DNAH7: variants seen among roughly 807,000 people sequenced by gnomAD.
The protein encoded by DNAH7 is dynein axonemal heavy chain 7.
DNAH7 carries 397 observed loss-of-function variants against 444.6 expected under a neutral mutation model. The ratio of observed to expected loss-of-function variants is 0.89; its 90% CI spans 0.82 to 0.97. The LOEUF (loss-of-function observed/expected upper bound fraction) is 0.97. Ranked by LOEUF, DNAH7 falls within the 50% of genes least tolerant of loss-of-function variation. The probability of loss-of-function intolerance (pLI) is 0.00; values close to 1 mark genes in which losing one functional copy is unlikely to be tolerated. For missense variants in DNAH7, 4,902 were observed against 4,800.8 expected, an observed-to-expected ratio of 1.02 and a Z score of -0.62; for synonymous variants, 1,636 against 1,624.4, an observed-to-expected ratio of 1.01 and a Z score of -0.17.
Position 195,927,525 on chromosome 2 carries a change from A to AATT in DNAH7, c.3472-960_3472-959insAAT, listed in dbSNP as rs1432705299. Among the ~76,000 whole-genome samples the AATT allele has an allele frequency of 7.7e-3, 1,151 of 148,942 alleles. 16 individuals carry two copies. The highest frequency in any genetic ancestry group is 0.012 in the Non-Finnish European group (809 of 67,410). On this transcript the variant is annotated intron_variant, in intron 21 of 64. Coordinates refer to ENST00000312428, the MANE Select transcript of DNAH7 (RefSeq NM_018897.3). ...GAAGCAAGTAAATAAATAAATAAAT[A>AATT]AATTAATTAATTAATTAAAAAAATA...
At chr2:195,964,547 G>T (rs1691333264) in intron 17 of DNAH7, among the ~76,000 whole-genome samples, 1 of 123,318 alleles carries the variant, frequency 8.1e-6, no homozygotes, top group African/African-American at 3.4e-5. Flanking sequence ...TTTTTTTTTG[G>T]AGGAGTCTTT....
In DNAH7 at chr2:195,738,088, G is replaced by A. The variant is rs955699383; in HGVS notation, c.11908C>T (p.Arg3970Trp). ...TACAATGGAGCAACATAACTTGGCCGTTTTGGTATATCTGCCCTCTTACAG... is the reference window on the plus strand; with the variant it reads ...TACAATGGAGCAACATAACTTGGCCATTTTGGTATATCTGCCCTCTTACAG... ...KPCKRADIPK[R>W]PSYVAPLYKT... Residue 3970 changes from arginine (R) to tryptophan (W), a missense_variant, in exon 65 of 65, where the codon CGG (arginine) becomes TGG (tryptophan). Arg to Trp is a moderately radical substitution (Grantham distance 101, BLOSUM62 -3). Transcript: ENST00000312428. 5.0e-6 allele frequency: 8 copies of A among 1,613,762 alleles called. No homozygotes were observed. Among genetic ancestry groups the A allele is most frequent in the South Asian group, 4.4e-5 (4 of 91,084 alleles).
Position 196,024,333 on chromosome 2 carries a change from A to G in DNAH7, c.743+96T>C, listed in dbSNP as rs562056168. On this transcript the variant is annotated intron_variant, in intron 8 of 64. Transcript: ENST00000312428. ...TACACACATATACATTTATATATAAATTATAAACATACATTTGAGAAAATA... is the reference window on the plus strand; with the variant it reads ...TACACACATATACATTTATATATAAGTTATAAACATACATTTGAGAAAATA... 2.8e-5 allele frequency: 21 copies of G among 762,360 alleles called. No individual in the cohort carries two copies. The Admixed American group carries it at 3.7e-4, about 13-fold the overall frequency. The allele number at this position is 762,360 out of a possible 1,614,324, so 47.2% of individuals were successfully genotyped here. A position where few individuals can be genotyped will look rare whatever the true frequency, so the allele number is the denominator to read the frequency against.
chr2:195,948,606 G>A (rs1015774679), intron 19 of DNAH7, among the ~76,000 whole-genome samples: 7 of 152,140 alleles, frequency 4.6e-5, no homozygotes, highest in African/African-American at 1.7e-4. Context: ...GGTTGTAGAT[G>A]TGTGGTGTGA....
Position 195,960,239 on chromosome 2 carries a change from G to C in DNAH7, c.2891+21C>G, listed in dbSNP as rs777374712. 68 of 1,561,534 alleles carry C rather than the reference G, an allele frequency of 4.4e-5. No homozygotes were observed. The South Asian group carries it at 7.8e-4, about 18-fold the overall frequency. ...ATTTTGGTAACATAGCATAAACATT[G>C]CCATATAAATATCACTTTACCTCAT... On this transcript the variant is annotated intron_variant, in intron 18 of 64. Coordinates refer to ENST00000312428, the MANE Select transcript of DNAH7 (RefSeq NM_018897.3).
chr2:195,904,827 A>G (rs2125281773), intron 27 of DNAH7: 1 of 152,150 alleles, frequency 6.6e-6, no homozygotes, highest in South Asian at 2.1e-4. Flanking sequence ...GTTTTTGAGA[A>G]TGATTCCGAA....
intron 47 of DNAH7, among the ~76,000 whole-genome samples, chr2:195,843,892 C>T (rs6737009): frequency 0.2 from 29,802 of 151,864 alleles, 4,232 homozygotes; most frequent in African/African-American, 0.4. Context: ...GTCAGGAGAT[C>T]GAGACCATCC....
rs201126082 is a variant in DNAH7, at chr2:195,845,089, G to T, written c.8858C>A (p.Thr2953Asn). 68 of 1,613,680 alleles carry T rather than the reference G, an allele frequency of 4.2e-5. No individual in the cohort carries two copies. The highest frequency in any genetic ancestry group is 1.0e-5 in the Non-Finnish European group (12 of 1,179,884). ...TCGAATTGTCACAGCTTCTCCCAGGGTACCCATAAGAGAGCAATCATCTGA... is the reference window on the plus strand; with the variant it reads ...TCGAATTGTCACAGCTTCTCCCAGGTTACCCATAAGAGAGCAATCATCTGA... ...PCSDDCSLMG[T>N]LGEAVTIRTW... is the part of the protein sequence containing the mutation. Residue 2953 changes from threonine to asparagine, a missense_variant, in exon 47 of 65, where the codon ACC becomes AAC. Thr to Asn is a moderately conservative substitution (Grantham distance 65, BLOSUM62 0). Coordinates refer to ENST00000312428, the MANE Select transcript of DNAH7 (RefSeq NM_018897.3).
chr2:196,005,865 T>C (rs1694342503), intron 10 of DNAH7, among the ~76,000 whole-genome samples: 1 of 152,058 alleles, frequency 6.6e-6, no homozygotes, highest in African/African-American at 2.4e-5. Flanking sequence ...AAAGAATGTT[T>C]TCCTACTCAT....
chr2:195,891,483 T>C (rs540890287), intron 31 of DNAH7, among the ~76,000 whole-genome samples, 172 bp downstream of exon 31: 1 of 152,194 alleles, frequency 6.6e-6, no homozygotes, highest in East Asian at 1.9e-4. Context: ...GGCATTTTTG[T>C]AGGTGCTGAC....
At chr2:195,953,418 G>T (rs561284200) in intron 19 of DNAH7, among the ~76,000 whole-genome samples, 3 of 152,208 alleles carry the variant, frequency 2.0e-5, no homozygotes, top group Non-Finnish European at 2.9e-5. Flanking sequence ...GAGGTCAGGG[G>T]CCCACCTGAG....
intron 40 of DNAH7, among the ~76,000 whole-genome samples, 177 bp from the exon 41 acceptor site, chr2:195,865,198 T>C (rs1330158927): frequency 2.0e-5 from 3 of 152,246 alleles, no homozygotes; most frequent in African/African-American, 7.2e-5. Flanking sequence ...ATGTTAATTT[T>C]AACTCTATAT....
At chr2:195,881,581 T>A (rs1701379506) in intron 36 of DNAH7, among the ~76,000 whole-genome samples, 1 of 152,216 alleles carries the variant, frequency 6.6e-6, no homozygotes, top group Non-Finnish European at 1.5e-5. Context: ...AATGGCAACG[T>A]ATCATTAATC....
chr2:196,039,112 T>A (rs561211622), intron 5 of DNAH7, among the ~76,000 whole-genome samples: 2 of 152,146 alleles, frequency 1.3e-5, no homozygotes, highest in African/African-American at 2.4e-5. Context: ...ATACTCCAGG[T>A]TAGACCACAT....
At chr2:195,764,221 G>C (rs1694470635) in intron 61 of DNAH7, among the ~76,000 whole-genome samples, 1 of 151,772 alleles carries the variant, frequency 6.6e-6, no homozygotes, top group African/African-American at 2.4e-5. Context: ...TAAAAACTGG[G>C]TATAGAAGGA....
In DNAH7 at chr2:195,881,838, A is replaced by G. The variant is rs1429815082; in HGVS notation, c.5918T>C (p.Ile1973Thr). 1 of 1,614,052 alleles carries G rather than the reference A, an allele frequency of 6.2e-7. No homozygotes were observed. Among genetic ancestry groups the G allele is most frequent in the Non-Finnish European group, 8.5e-7 (1 of 1,179,942 alleles). The change falls in exon 36 of 65, where the codon ATA becomes ACA. Residue 1973 changes from isoleucine (I) to threonine (T), a missense_variant. Ile to Thr is a moderately conservative substitution (Grantham distance 89). Transcript: ENST00000312428. ...ELLTTHQKPSIFVGPTGTGKS... is the reference protein window; with the variant it reads ...ELLTTHQKPSTFVGPTGTGKS... ...CCCAGTTCCTGTTGGTCCTACAAAT[A>G]TTGAAGGCTTTTGATGGGTGGTCAG... is the stretch of plus-strand genomic sequence containing the variant.
chr2:195,954,810 G>A (rs1459604054), intron 19 of DNAH7, among the ~76,000 whole-genome samples: 2 of 152,264 alleles, frequency 1.3e-5, no homozygotes, highest in South Asian at 2.1e-4. Context: ...GTGCCTGTTG[G>A]CTGCATAAAT....
chr2:196,022,687 C>G (rs950525838), intron 8 of DNAH7, among the ~76,000 whole-genome samples: 1 of 152,168 alleles, frequency 6.6e-6, no homozygotes, highest in African/African-American at 2.4e-5. Flanking sequence ...AAGTCTTGAG[C>G]CACTCAAAGT....
intron 58 of DNAH7, among the ~76,000 whole-genome samples, chr2:195,783,967 C>T (rs1003573642): frequency 1.1e-4 from 17 of 151,834 alleles, no homozygotes; most frequent in South Asian, 8.3e-4. Flanking sequence ...CACAACAAAA[C>T]GGAACAAAAG....
Sources: gnomAD v4.1 joint callset for allele counts (sites outside exome capture counted in the v4.1 genomes callset) on GRCh38, gnomAD v4.1.1 for gene constraint, MANE v1.5 for transcripts, NCBI Gene and HGNC (gene_info 2026-07-23, HGNC 2026-07-21) for gene names.